MALT1: variants seen among roughly 807,000 people sequenced by gnomAD.
MALT1 encodes mucosa-associated lymphoid tissue lymphoma translocation protein 1.
In MALT1, 36 loss-of-function variants were observed where a neutral mutation model predicts 85.5. The observed-to-expected ratio is 0.42, with a 90% CI of 0.32 to 0.56. The LOEUF is 0.56. MALT1 is among the 20% of genes least tolerant of loss of function. The pLI, the probability that MALT1 is intolerant of heterozygous loss-of-function variation, is 0.10. For missense variants in MALT1, 716 were observed against 981.6 expected, an observed-to-expected ratio of 0.73 and a Z score of 3.62; for synonymous variants, 359 against 361.3, an observed-to-expected ratio of 0.99 and a Z score of 0.07.
chr18:58,711,234 T>C (rs1408651807), intron 7 of MALT1, among the ~76,000 whole-genome samples: 4 of 152,230 alleles, frequency 2.6e-5, no homozygotes, highest in African/African-American at 9.6e-5. Flanking sequence ...TAGTGAACAT[T>C]TGCAATTAAT....
chr18:58,688,851 T>C (rs1022824974), intron 2 of MALT1, among the ~76,000 whole-genome samples: 2 of 152,154 alleles, frequency 1.3e-5, no homozygotes, highest in Admixed American at 1.3e-4. Flanking sequence ...GTGGGAGATA[T>C]ATTGAGAATC....
Position 58,750,855 on chromosome 18 carries a change from G to A in MALT1, c.*3013G>A, listed in dbSNP as rs1317887020. 1 of 152,248 alleles carries A rather than the reference G, an allele frequency of 6.6e-6. No homozygotes were observed. Among genetic ancestry groups the A allele is most frequent in the South Asian group, 2.1e-4 (1 of 4,820 alleles). 9.4% of individuals were successfully genotyped at this position (152,248 alleles called of 1,614,324 possible). ...TAATACCAAAAGCACAAGCAACAAAGGCAAACAGTAGATAAATGGGACTTC... is the reference window on the plus strand; with the variant it reads ...TAATACCAAAAGCACAAGCAACAAAAGCAAACAGTAGATAAATGGGACTTC... On this transcript the variant is annotated 3_prime_UTR_variant, in exon 17 of 17. Coordinates refer to ENST00000649217, the MANE Select transcript of MALT1 (RefSeq NM_006785.4).
In MALT1 at chr18:58,671,694, C is replaced by T; in HGVS notation, c.51C>T (p.Pro17=). The T allele has an allele frequency of 8.0e-7, 1 of 1,257,862 alleles. No individual in the cohort carries two copies. The highest frequency in any genetic ancestry group is 4.0e-5 in the Admixed American group (1 of 25,018). The allele number at this position is 1,257,862 out of a possible 1,614,324, so 77.9% of individuals were successfully genotyped here. ...AGGCCCTGCCGCCCTCGGCCGCCCC[C>T]ACGGGGCCGCTGCTCGCCCCTCCGG... ...PLQALPPSAA[P]TGPLLAPPAG... The change falls in exon 1 of 17, where the codon CCC becomes CCT. Residue 17 remains proline, a synonymous_variant. Transcript: ENST00000649217.
chr18:58,743,262 G>A (rs574719810), intron 14 of MALT1, among the ~76,000 whole-genome samples: 2 of 152,216 alleles, frequency 1.3e-5, no homozygotes, highest in African/African-American at 4.8e-5. Flanking sequence ...TGTAATCCCA[G>A]CTACTCTGGA....
rs1244420334 is a variant in MALT1 at position 58,671,566 on chromosome 18, A to T, written c.-78A>T. The T allele has an allele frequency of 1.0e-6, 1 of 986,492 alleles. No homozygotes were observed. The highest frequency in any genetic ancestry group is 1.7e-5 in the African/African-American group (1 of 58,920). The allele number at this position is 986,492 out of a possible 1,614,324, so 61.1% of individuals were successfully genotyped here. A position where few individuals can be genotyped will look rare whatever the true frequency, so the allele number is the denominator to read the frequency against. ...CCCCTGCCTCCGCGGCTCGGAGGCG[A>T]GCGGAAGGTGCCCCGGGGCCGAGGC... On this transcript the variant is annotated 5_prime_UTR_variant, in exon 1 of 17. Coordinates refer to ENST00000649217, the MANE Select transcript of MALT1 (RefSeq NM_006785.4).
Position 58,734,317 on chromosome 18 carries a change from G to A in MALT1, c.1411G>A (p.Asp471Asn). 6.2e-7 allele frequency: 1 copy of A among 1,612,088 alleles called. No individual in the cohort carries two copies. Among genetic ancestry groups the A allele is most frequent in the Non-Finnish European group, 8.5e-7 (1 of 1,178,254 alleles). ...GCCTCCCTTAAATAGAAATGACTAC[G>A]ATGATACCATTCCAATCTTGGATGC... ...LDMCRKRNDYDDTIPILDALK... is the reference protein window; with the variant it reads ...LDMCRKRNDYNDTIPILDALK... The change falls in exon 12 of 17, where the codon GAT becomes AAT. Residue 471 changes from aspartate (D) to asparagine (N), a missense_variant. Asp to Asn is a conservative substitution (Grantham distance 23, BLOSUM62 1). Around this residue, in one of 4 missense-constraint regions of MALT1, gnomAD observed 86 missense variants for 212.3 expected, o/e 0.41. Transcript: ENST00000649217.
Position 58,698,497 on chromosome 18 carries a change from A to G in MALT1, c.499-1944A>G, listed in dbSNP as rs113516646. ...GAGAAGAGAAGGTGGATCACAGTGC[A>G]TAATTCAGTGTATATTTTAGAGAGA... On this transcript the variant is annotated intron_variant, in intron 3 of 16. Transcript: ENST00000649217. Among the ~76,000 whole-genome samples, 1,089 of 152,330 alleles carry G rather than the reference A, an allele frequency of 7.1e-3. 15 individuals are homozygous for G. Among genetic ancestry groups the G allele is most frequent in the African/African-American group, 0.025 (1,038 of 41,574 alleles).
At chr18:58,709,313 T>G in intron 4 of MALT1, 65 bp from the exon 5 acceptor site, 4 of 1,144,744 alleles carry the variant, frequency 3.5e-6, no homozygotes, top group Non-Finnish European at 4.8e-6. Flanking sequence ...ACACATCTCT[T>G]TAATTATAGG....
chr18:58,739,560 T>C (rs576796916), intron 13 of MALT1, among the ~76,000 whole-genome samples: 3 of 152,288 alleles, frequency 2.0e-5, no homozygotes, highest in African/African-American at 7.2e-5. Context: ...TGATGGACTT[T>C]CAGTAAAGTA....
rs77862878 is a variant in MALT1 at position 58,709,053 on chromosome 18, G to T, written c.650-325G>T. 9.1e-3 allele frequency among the ~76,000 whole-genome samples: 1,383 copies of T among 152,306 alleles called. 19 individuals carry two copies. Among genetic ancestry groups the T allele is most frequent in the African/African-American group, 0.03 (1,256 of 41,570 alleles). On this transcript the variant is annotated intron_variant, in intron 4 of 16. Transcript: ENST00000649217. The stretch of plus-strand genomic sequence containing the variant: ...TGTTTGCCTCGATCAAAAAGATTCT[G>T]CAGCCAAACACATTTAGAAGACACT...
chr18:58,697,483 T>C (rs2144353983), intron 3 of MALT1, among the ~76,000 whole-genome samples: 1 of 152,318 alleles, frequency 6.6e-6, no homozygotes, highest in Non-Finnish European at 1.5e-5. Context: ...TGAATTCCTA[T>C]CATCAGAGGT....
chr18:58,696,302 A>C (rs55825071), intron 2 of MALT1, 64 bp from the exon 3 acceptor site: 63,415 of 1,261,780 alleles, frequency 0.05, 1,855 homozygotes, highest in Middle Eastern at 0.12. Context: ...TTGGTTTCAG[A>C]TGTATAAACA....
At chr18:58,694,008 A>C (rs1449305411) in intron 2 of MALT1, among the ~76,000 whole-genome samples, 1 of 152,230 alleles carries the variant, frequency 6.6e-6, no homozygotes, top group Non-Finnish European at 1.5e-5. Flanking sequence ...GGGACATTAA[A>C]ATACAGTGTT....
At chr18:58,673,175 A>G (rs2054191506) in intron 1 of MALT1, among the ~76,000 whole-genome samples, 1 of 147,568 alleles carries the variant, frequency 6.8e-6, no homozygotes, top group African/African-American at 2.7e-5. Context: ...TGATGAGAGG[A>G]AAGTCATTCA....
intron 10 of MALT1, among the ~76,000 whole-genome samples, chr18:58,726,528 T>C (rs2055057009): frequency 6.6e-6 from 1 of 152,162 alleles, no homozygotes; most frequent in Admixed American, 6.5e-5. Flanking sequence ...GAACTCGAGT[T>C]CATGCCCTTT....
rs11380709 is a variant in MALT1 at position 58,702,220 on chromosome 18, C to CAA, written c.649+1646_649+1647dup. On this transcript the variant is annotated intron_variant, in intron 4 of 16. Coordinates refer to ENST00000649217, the MANE Select transcript of MALT1 (RefSeq NM_006785.4). ...AAACCCTATCTCTACAAAAAAAATG[C>CAA]AAAAAAAAAAAAAAAAAATGGGGCC... Among the ~76,000 whole-genome samples the CAA allele has an allele frequency of 7.5e-3, 864 of 114,598 alleles. 13 individuals carry two copies. Among genetic ancestry groups the CAA allele is most frequent in the African/African-American group, 0.017 (511 of 29,716 alleles). 75.2% of individuals were successfully genotyped at this position (114,598 alleles called of 152,430 possible).
Position 58,744,343 on chromosome 18 carries a change from C to T in MALT1, c.1759C>T (p.Pro587Ser). 6.3e-7 allele frequency: 1 copy of T among 1,587,556 alleles called. No individual in the cohort carries two copies. Among genetic ancestry groups the T allele is most frequent in the Non-Finnish European group, 8.6e-7 (1 of 1,167,616 alleles). The change falls in exon 15 of 17, where the codon CCA (proline) becomes TCA (serine). Residue 587 changes from proline to serine, a missense_variant. Pro to Ser is a moderately conservative substitution (Grantham distance 74). This residue lies in a region of MALT1 where 260 missense variants were observed against 323.7 expected (regional missense o/e 0.80). Coordinates refer to ENST00000649217, the MANE Select transcript of MALT1 (RefSeq NM_006785.4). The part of the protein sequence containing the change: ...NLQWAKAHEL[P>S]ESMCLKFDCG... ...TTCTTATTGTTCTTTTTCAGAACTTCCAGAAAGTATGTGTCTTAAGTTTGA... is the reference window on the plus strand; with the variant it reads ...TTCTTATTGTTCTTTTTCAGAACTTTCAGAAAGTATGTGTCTTAAGTTTGA...
At chr18:58,695,764 G>A (rs1297603064) in intron 2 of MALT1, among the ~76,000 whole-genome samples, 4 of 152,144 alleles carry the variant, frequency 2.6e-5, no homozygotes, top group East Asian at 3.8e-4. Flanking sequence ...TGCAAACCCC[G>A]TTATTACAGC....
At chr18:58,706,944 T>C (rs1176069414) in intron 4 of MALT1, among the ~76,000 whole-genome samples, 1 of 152,186 alleles carries the variant, frequency 6.6e-6, no homozygotes, top group Admixed American at 6.5e-5. Context: ...CCAAATATTT[T>C]TCTTCTACTT....
Sources: gnomAD v4.1 joint callset for allele counts (sites outside exome capture counted in the v4.1 genomes callset) on GRCh38, gnomAD v4.1.1 for gene constraint, gnomAD v4.1.1 regional missense constraint, MANE v1.5 for transcripts, NCBI Gene and HGNC (gene_info 2026-07-23, HGNC 2026-07-21) for gene names.